PLCE1: variants seen among roughly 807,000 people sequenced by gnomAD.
The protein encoded by PLCE1 is 1-phosphatidylinositol 4,5-bisphosphate phosphodiesterase epsilon-1.
In PLCE1, 119 loss-of-function variants were observed where a neutral mutation model predicts 242.8. The ratio of observed to expected loss-of-function variants is 0.49; its 90% CI spans 0.42 to 0.57. The LOEUF (loss-of-function observed/expected upper bound fraction) is 0.57. Ranked by LOEUF, PLCE1 falls within the 20% of genes least tolerant of loss-of-function variation. The pLI, the probability that PLCE1 is intolerant of heterozygous loss-of-function variation, is 0.00. For missense variants in PLCE1, 2,441 were observed against 2,788.8 expected (o/e 0.88, Z 2.81); for synonymous variants, 945 against 1,017.4 (o/e 0.93, Z 1.35).
At chr10:94,050,938 A>T (rs2043747609) in intron 2 of PLCE1, among the ~76,000 whole-genome samples, 1 of 152,126 alleles carries the variant, frequency 6.6e-6, no homozygotes, top group African/African-American at 2.4e-5. Context: ...GGAGAAAATG[A>T]TCAAGGTTGT....
At chr10:94,017,506 G>A (rs1013950154) in intron 1 of PLCE1, among the ~76,000 whole-genome samples, 11 of 152,150 alleles carry the variant, frequency 7.2e-5, no homozygotes, top group African/African-American at 1.4e-4. Flanking sequence ...TGAGTCAGCT[G>A]TTGCCTTGGG....
chr10:94,252,222 T>TTCC (rs1351681731), intron 8 of PLCE1, 94 bp from the exon 9 acceptor site: 3 of 1,134,852 alleles, frequency 2.6e-6, no homozygotes, highest in Non-Finnish European at 4.0e-6. Context: ...GTCTGTGCTC[T>TTCC]TCCACCTCTT....
Position 94,298,588 on chromosome 10 carries a change from C to G in PLCE1, c.5377C>G (p.Arg1793Gly). Residue 1793 changes from arginine (R) to glycine (G), a missense_variant, in exon 24 of 33, where the codon CGC (arginine) becomes GGC (glycine). Transcript: ENST00000371380. The surrounding 1 kb of genome is among the most constrained non-coding windows in gnomAD (Gnocchi z 5.2). ...QLLRTYPAAT[R>G]IDSSNPNPLM... The stretch of plus-strand genomic sequence containing the variant: ...GCTGAGAACTTACCCTGCTGCCACC[C>G]GCATCGACTCTTCCAACCCGAACCC... 1.2e-6 allele frequency: 2 copies of G among 1,614,106 alleles called. No homozygotes were observed. The highest frequency in any genetic ancestry group is 1.7e-6 in the Non-Finnish European group (2 of 1,179,998).
intron 18 of PLCE1, among the ~76,000 whole-genome samples, chr10:94,271,298 A>T (rs1004254927): frequency 6.7e-6 from 1 of 148,910 alleles, no homozygotes; most frequent in Non-Finnish European, 1.5e-5. Flanking sequence ...CTTATAGGAG[A>T]AGATCATCTT....
intron 10 of PLCE1, 73 bp downstream of exon 10, chr10:94,254,380 T>A: frequency 9.6e-7 from 1 of 1,036,662 alleles, no homozygotes; most frequent in Non-Finnish European, 1.5e-6. Flanking sequence ...CATTTGGTTT[T>A]AAATTGTGAT....
At chr10:94,179,530 T>TTTTTTTTTTTTTTTTTTTTTTTTC (rs10636243) in intron 4 of PLCE1, among the ~76,000 whole-genome samples, 1 of 118,826 alleles carries the variant, frequency 8.4e-6, no homozygotes, top group African/African-American at 3.2e-5. Flanking sequence ...TTTTTTTTTT[T>TTTTTTTTTTTTTTTTTTTTTTTTC]GACAGGGTCT....
At chr10:94,175,266 C>A (rs1029683973) in intron 4 of PLCE1, among the ~76,000 whole-genome samples, 6 of 152,188 alleles carry the variant, frequency 3.9e-5, no homozygotes, top group Admixed American at 2.0e-4. Context: ...TCTTCCCTCC[C>A]TCTCTTTCTA....
chr10:94,029,178 A>G (rs144751552), intron 1 of PLCE1, among the ~76,000 whole-genome samples: 8 of 152,288 alleles, frequency 5.3e-5, no homozygotes, highest in South Asian at 2.1e-4. Context: ...AGCATCACCA[A>G]AAATGTTTTC....
chr10:94,135,010 A>G (rs547951350), intron 3 of PLCE1, among the ~76,000 whole-genome samples: 107 of 152,276 alleles, frequency 7.0e-4, no homozygotes, highest in Admixed American at 1.8e-3. Context: ...CTATCTTGGA[A>G]ACATTTTTCA....
chr10:94,293,783 A>G, intron 23 of PLCE1, 144 bp downstream of exon 23: 1 of 970,610 alleles, frequency 1.0e-6, no homozygotes, highest in Non-Finnish European at 1.5e-6. Context: ...AATTTTTGTA[A>G]TTGCTAACTT....
At chr10:94,151,142 T>C (rs1447889889) in intron 3 of PLCE1, among the ~76,000 whole-genome samples, 1 of 152,220 alleles carries the variant, frequency 6.6e-6, no homozygotes, top group Non-Finnish European at 1.5e-5. Context: ...TTTCTTTACA[T>C]GTCTCATTGG....
chr10:94,151,853 T>G (rs1297027606), intron 3 of PLCE1, among the ~76,000 whole-genome samples: 2 of 152,148 alleles, frequency 1.3e-5, no homozygotes, highest in Admixed American at 1.3e-4. Context: ...AAAACAACTC[T>G]ATGGTGATTT....
chr10:94,159,452 TTC>T (rs10571613), intron 3 of PLCE1, among the ~76,000 whole-genome samples: 13,444 of 151,728 alleles, frequency 0.089, 1,103 homozygotes, highest in African/African-American at 0.22. Context: ...ATCAATATTC[TTC>T]TCTCTCTCTC....
At chr10:94,024,634 AG>A (rs1166647172) in intron 1 of PLCE1, among the ~76,000 whole-genome samples, 1 of 152,154 alleles carries the variant, frequency 6.6e-6, no homozygotes, top group East Asian at 1.9e-4. Context: ...CTTAACCAAT[AG>A]GCAGTTAACT....
intron 4 of PLCE1, among the ~76,000 whole-genome samples, chr10:94,175,845 T>G (rs770156248): frequency 1.2e-4 from 18 of 152,254 alleles, no homozygotes; most frequent in Non-Finnish European, 2.4e-4. Flanking sequence ...GTGCCTTGCT[T>G]ATTTCACTTA....
chr10:94,068,901 C>T (rs1299427510), intron 2 of PLCE1, among the ~76,000 whole-genome samples: 3 of 152,238 alleles, frequency 2.0e-5, no homozygotes, highest in Non-Finnish European at 2.9e-5. Flanking sequence ...TACTCGACCA[C>T]AAACTCACCA....
chr10:94,079,495 T>G (rs2044596492), intron 2 of PLCE1, among the ~76,000 whole-genome samples: 3 of 152,164 alleles, frequency 2.0e-5, no homozygotes. Flanking sequence ...AAATACCTAA[T>G]GTAGATGACG....
At chr10:94,159,250 A>T (rs761902571) in intron 3 of PLCE1, among the ~76,000 whole-genome samples, 3 of 152,086 alleles carry the variant, frequency 2.0e-5, no homozygotes, top group Non-Finnish European at 4.4e-5. Context: ...TTTTCATGTA[A>T]TGTTCAGGAC....
chr10:94,171,154 C>T (rs1309763622), intron 3 of PLCE1, 26 bp from the exon 4 acceptor site: 1 of 1,603,808 alleles, frequency 6.2e-7, no homozygotes, highest in East Asian at 2.2e-5. Context: ...TTTGATGTAA[C>T]CACGACTTCT....
Sources: allele counts gnomAD v4.1 joint callset (sites outside exome capture counted in the v4.1 genomes callset), GRCh38; gene constraint gnomAD v4.1.1; non-coding constraint Gnocchi (gnomAD v3.1); transcripts MANE v1.5; gene names NCBI Gene and HGNC (gene_info 2026-07-23, HGNC 2026-07-21).